Variants in LARS1 observed in about 807,000 individuals in gnomAD.
The protein encoded by LARS1 is leucine--tRNA ligase, cytoplasmic.
Under a neutral mutation model 162.8 loss-of-function variants are expected in LARS1, and 100 were observed. The ratio of observed to expected loss-of-function variants is 0.61; its 90% CI spans 0.52 to 0.73. The LOEUF (loss-of-function observed/expected upper bound fraction) is 0.73. LARS1 is among the 30% of genes least tolerant of loss of function. LARS1 has a pLI of 0.00. For missense variants in LARS1, 1,258 were observed against 1,408.9 expected, an observed-to-expected ratio of 0.89 and a Z score of 1.71; for synonymous variants, 457 against 462.8, an observed-to-expected ratio of 0.99 and a Z score of 0.16.
At chr5:146,126,271 G>T (rs1047539444) in intron 28 of LARS1, among the ~76,000 whole-genome samples, 164 bp downstream of exon 28, 1 of 151,974 alleles carries the variant, frequency 6.6e-6, no homozygotes, top group African/African-American at 2.4e-5. Context: ...AATTCCACAA[G>T]TAAACCCAAA....
chr5:146,171,632 A>G (rs1754283396), intron 4 of LARS1, among the ~76,000 whole-genome samples: 1 of 152,242 alleles, frequency 6.6e-6, no homozygotes, highest in Non-Finnish European at 1.5e-5. Flanking sequence ...TTAGTAAAAC[A>G]GAATCAGTTA....
At chr5:146,117,382 G>C (rs1217241845) in intron 31 of LARS1, among the ~76,000 whole-genome samples, 1 of 152,170 alleles carries the variant, frequency 6.6e-6, no homozygotes, top group Non-Finnish European at 1.5e-5. Context: ...GGCCGAGACA[G>C]GCAGATCACT....
intron 1 of LARS1, chr5:146,179,653 TA>T: frequency 2.3e-6 from 1 of 437,770 alleles, no homozygotes; most frequent in South Asian, 1.6e-5. Flanking sequence ...GGCTGGAGCA[TA>T]ATGGTGCAAG....
At chr5:146,168,558 G>A (rs534478723) in intron 4 of LARS1, among the ~76,000 whole-genome samples, 143 of 152,136 alleles carry the variant, frequency 9.4e-4, no homozygotes, top group Non-Finnish European at 1.3e-3. Flanking sequence ...GGTAGCACAC[G>A]CCTGTAATCC....
chr5:146,143,369 C>T, intron 19 of LARS1, 43 bp downstream of exon 19: 1 of 1,572,026 alleles, frequency 6.4e-7, no homozygotes, highest in Non-Finnish European at 8.7e-7. Context: ...TATCACAACT[C>T]TTACTGACAA....
intron 21 of LARS1, among the ~76,000 whole-genome samples, chr5:146,136,909 CCTT>C (rs1406604621): frequency 6.6e-6 from 1 of 152,060 alleles, no homozygotes; most frequent in East Asian, 1.9e-4. Context: ...CTCCTTTTTC[CCTT>C]TTTTTGAGAT....
chr5:146,127,527 C>G (rs1752096262), intron 27 of LARS1, among the ~76,000 whole-genome samples: 1 of 151,996 alleles, frequency 6.6e-6, no homozygotes, highest in Admixed American at 6.6e-5. Flanking sequence ...AAAACAACTT[C>G]AAAAAGAACA....
chr5:146,135,671 T>C lies in LARS1; in HGVS notation c.2149-7A>G, dbSNP rs913670662. Reference sequence around the variant, plus strand: ...TGCCTGTGGATTTTGACATCTGAAATAGAGAGTCAGTGATCAATCATTAAT... The same window carrying C: ...TGCCTGTGGATTTTGACATCTGAAACAGAGAGTCAGTGATCAATCATTAAT... On this transcript the variant is annotated splice_polypyrimidine_tract_variant and splice_region_variant and intron_variant, in intron 21 of 31. Coordinates refer to ENST00000394434, the MANE Select transcript of LARS1 (RefSeq NM_020117.11). The C allele has an allele frequency of 3.8e-6, 6 of 1,586,714 alleles. 1 individual carries two copies. The African/African-American group carries it at 6.8e-5, about 18-fold the overall frequency.
Position 146,159,478 on chromosome 5 carries a change from A to G in LARS1, c.708-8T>C, listed in dbSNP as rs1561823075. On this transcript the variant is annotated splice_polypyrimidine_tract_variant and splice_region_variant and intron_variant, in intron 7 of 31. Transcript: ENST00000394434. ...GGAGAGTAAATTGTATACCTAAAAA[A>G]TAAACAAAAAGTGACAAACATTATT... 1.9e-6 allele frequency: 3 copies of G among 1,599,408 alleles called. No homozygotes were observed. The highest frequency in any genetic ancestry group is 1.7e-4 in the Middle Eastern group (1 of 6,034).
chr5:146,167,656 AG>A (rs1446684844), intron 5 of LARS1, among the ~76,000 whole-genome samples: 1 of 151,392 alleles, frequency 6.6e-6, no homozygotes, highest in Non-Finnish European at 1.5e-5. Context: ...GGCCTCCCCA[AG>A]TGCTGGGATT....
intron 31 of LARS1, among the ~76,000 whole-genome samples, chr5:146,115,581 C>CA (rs58644900): frequency 0.052 from 1,077 of 20,614 alleles, 320 homozygotes; most frequent in Non-Finnish European, 0.078. Flanking sequence ...AGCGCCTGAC[C>CA]AAAAAAAAAA....
intron 15 of LARS1, among the ~76,000 whole-genome samples, chr5:146,146,424 G>T (rs1753011053): frequency 1.4e-5 from 2 of 146,040 alleles, no homozygotes; most frequent in Non-Finnish European, 3.0e-5. Context: ...GTCATTTAAA[G>T]AAGTGGGTAT....
intron 2 of LARS1, among the ~76,000 whole-genome samples, chr5:146,175,605 C>T (rs113054461): frequency 2.7e-5 from 4 of 150,854 alleles, no homozygotes; most frequent in Middle Eastern, 7.0e-3. Flanking sequence ...TTTGGAAGGC[C>T]GAGGCAGGCA....
rs977592906 is a variant in LARS1, at chr5:146,149,485, G to T, written c.1503+137C>A. On this transcript the variant is annotated intron_variant, in intron 15 of 31. Coordinates refer to ENST00000394434, the MANE Select transcript of LARS1 (RefSeq NM_020117.11). ...TCAAGTTAAATGAATTGCTAAATAG[G>T]TCTATTTTCTGCCGCAAAACTGTAT... 2.9e-5 allele frequency: 20 copies of T among 684,964 alleles called. No homozygotes were observed. In the African/African-American group the frequency reaches 3.6e-4, roughly 12 times the overall value. 42.4% of individuals were successfully genotyped at this position (684,964 alleles called of 1,614,324 possible). A position where few individuals can be genotyped will look rare whatever the true frequency, so the allele number is the denominator to read the frequency against.
chr5:146,161,493 C>T (rs1418004074), intron 6 of LARS1, among the ~76,000 whole-genome samples: 1 of 152,176 alleles, frequency 6.6e-6, no homozygotes, highest in African/African-American at 2.4e-5. Context: ...CTTTGGGAGG[C>T]CAAGGCAGGC....
chr5:146,153,219 TC>T lies in LARS1; in HGVS notation c.1238del (p.Arg413GlnfsTer31), dbSNP rs1354972918. The T allele has an allele frequency of 6.2e-7, 1 of 1,612,698 alleles. No individual in the cohort carries two copies. The highest frequency in any genetic ancestry group is 8.5e-7 in the Non-Finnish European group (1 of 1,179,234). On this transcript the variant is annotated frameshift_variant, in exon 13 of 32. Coordinates refer to ENST00000394434, the MANE Select transcript of LARS1 (RefSeq NM_020117.11). LOFTEE classifies it high-confidence loss of function. Reference protein sequence around the residue: ...LRDLKKKQALRAKYGIRDDMV... With the variant: ...LRDLKKKQALXAKYGIRDDMV... The stretch of plus-strand genomic sequence containing the variant: ...TGTCATCTCTAATTCCATATTTTGC[TC>T]GTAAGGCCTACAGAAAAATTTGCAA...
chr5:146,168,289 G>A (rs1561493291), intron 4 of LARS1, 24 bp from the exon 5 acceptor site: 1 of 1,576,018 alleles, frequency 6.3e-7, no homozygotes, highest in Non-Finnish European at 8.6e-7. Flanking sequence ...TAGAGATAAT[G>A]AAGTTCAAAA....
At chr5:146,163,076 T>C (rs1460053822) in intron 6 of LARS1, among the ~76,000 whole-genome samples, 1 of 152,190 alleles carries the variant, frequency 6.6e-6, no homozygotes, top group Non-Finnish European at 1.5e-5. Flanking sequence ...CCCAAAATGC[T>C]GGGATTGCAG....
chr5:146,174,168 G>T (rs74497281), intron 2 of LARS1, among the ~76,000 whole-genome samples: 1 of 34,892 alleles, frequency 2.9e-5, no homozygotes, highest in South Asian at 1.3e-3. Context: ...AAAAAAAAAG[G>T]CTGGGGCCTG....
Sources: allele counts gnomAD v4.1 joint callset (sites outside exome capture counted in the v4.1 genomes callset), GRCh38; gene constraint gnomAD v4.1.1; transcripts MANE v1.5; gene names NCBI Gene and HGNC (gene_info 2026-07-23, HGNC 2026-07-21).